RGS3: variants seen among roughly 807,000 people sequenced by gnomAD.
RGS3 encodes regulator of G-protein signalling 3.
RGS3 carries 80 observed loss-of-function variants against 132.6 expected under a neutral mutation model. The observed-to-expected ratio is 0.60, with a 90% CI of 0.50 to 0.73. The LOEUF (loss-of-function observed/expected upper bound fraction) is 0.73, where lower values mean the gene tolerates loss of function less well. Ranked by LOEUF, RGS3 falls within the 30% of genes least tolerant of loss-of-function variation. The pLI is 0.00. For synonymous variants in RGS3, 598 were observed against 620.6 expected (o/e 0.96, Z 0.54); for missense variants, 1,382 against 1,530.8 (o/e 0.90, Z 1.62).
At position 113,507,784 on chromosome 9, in the gene RGS3, TTCTGCAAGGC is replaced by T; in HGVS notation, c.1437+148_1437+157del. The T allele has an allele frequency of 3.2e-6, 2 of 627,006 alleles. No homozygotes were observed. Among genetic ancestry groups the T allele is most frequent in the Non-Finnish European group, 5.2e-6 (2 of 387,938 alleles). 38.8% of individuals were successfully genotyped at this position (627,006 alleles called of 1,614,324 possible). A position where few individuals can be genotyped will look rare whatever the true frequency, so the allele number is the denominator to read the frequency against. On this transcript the variant is annotated intron_variant, in intron 13 of 24. Transcript: ENST00000350696. This position sits in a 1 kb window ranked among gnomAD's most constrained non-coding sequence, Gnocchi z 5.0. ...AGATGGGGTATGTGCTAGCTCTGCC[TTCTGCAAGGC>T]TGTTCTTGGTAGGGAGGACAGATGG... is the stretch of plus-strand genomic sequence containing the variant.
intron 17 of RGS3, 136 bp from the exon 16 acceptor site, chr9:113,529,085 T>C (rs1832350626): frequency 1.4e-6 from 1 of 724,120 alleles, no homozygotes; most frequent in Middle Eastern, 2.4e-4. Flanking sequence ...CTTCCCTGCC[T>C]CCCATGCCTG....
At chr9:113,534,120 G>A (rs1832584609) in intron 18 of RGS3, among the ~76,000 whole-genome samples, 1 of 152,210 alleles carries the variant, frequency 6.6e-6, no homozygotes, top group African/African-American at 2.4e-5. Context: ...GGTTGGGTTG[G>A]ATGCAGGGTA....
At chr9:113,482,034 G>A (rs1455539641) in intron 4 of RGS3, among the ~76,000 whole-genome samples, 3 of 138,168 alleles carry the variant, frequency 2.2e-5, no homozygotes, top group Non-Finnish European at 4.6e-5. Flanking sequence ...CAACAAGTGC[G>A]AAACTCCATC....
chr9:113,524,283 C>T (rs891065198), intron 17 of RGS3, among the ~76,000 whole-genome samples: 8 of 152,304 alleles, frequency 5.3e-5, no homozygotes, highest in Admixed American at 2.6e-4. Context: ...TGCATATTCA[C>T]ACATGCACTC....
At chr9:113,541,293 T>G (rs1832891742) in intron 19 of RGS3, 4 of 1,608,230 alleles carry the variant, frequency 2.5e-6, no homozygotes, top group Non-Finnish European at 2.5e-6. Context: ...GACAGCGAGC[T>G]AATTCCAGTT....
intron 20 of RGS3, among the ~76,000 whole-genome samples, chr9:113,588,814 C>T (rs183218017): frequency 6.6e-6 from 1 of 152,250 alleles, no homozygotes; most frequent in Admixed American, 6.5e-5. Context: ...GAGGGAAGTC[C>T]GGTTATTACC....
At chr9:113,449,489 G>T (rs1311148295) in intron 1 of RGS3, among the ~76,000 whole-genome samples, 1 of 152,216 alleles carries the variant, frequency 6.6e-6, no homozygotes, top group Non-Finnish European at 1.5e-5. Flanking sequence ...GAAAGCCCAA[G>T]TGGGAGGGAG....
chr9:113,486,589 T>C (rs1345067275), intron 7 of RGS3, among the ~76,000 whole-genome samples: 2 of 152,226 alleles, frequency 1.3e-5, no homozygotes, highest in African/African-American at 4.8e-5. Context: ...TTAGCGGCAG[T>C]GGCTCATTTG....
chr9:113,536,217 T>G (rs1434851279), intron 18 of RGS3, among the ~76,000 whole-genome samples: 3 of 152,208 alleles, frequency 2.0e-5, no homozygotes, highest in Non-Finnish European at 4.4e-5. Flanking sequence ...CAAGATCATG[T>G]GCTGGGCAGT....
chr9:113,497,491 T>C, intron 9 of RGS3, 87 bp downstream of exon 7: 1 of 1,096,332 alleles, frequency 9.1e-7, no homozygotes, highest in Non-Finnish European at 1.3e-6. Context: ...TGGTATTTGG[T>C]GGCCCCTGCT....
intron 19 of RGS3, among the ~76,000 whole-genome samples, chr9:113,538,463 G>T (rs1363461573): frequency 3.3e-5 from 5 of 152,148 alleles, no homozygotes; most frequent in Admixed American, 2.0e-4. Flanking sequence ...CTCCTTTTCT[G>T]GGGGAAAGAG....
rs1003865516 is a variant in RGS3, at chr9:113,475,826, G to A, written c.416-3665G>A. On this transcript the variant is annotated intron_variant, in intron 3 of 24. Transcript: ENST00000350696. Reference sequence around the variant, plus strand: ...AGGATGCCAAATTAGCTGGTGCTTCGGTGAGCTGAAGACTCCAGGGATTCA... The same window carrying A: ...AGGATGCCAAATTAGCTGGTGCTTCAGTGAGCTGAAGACTCCAGGGATTCA... 3.3e-5 allele frequency among the ~76,000 whole-genome samples: 5 copies of A among 152,128 alleles called. No homozygotes were observed. The South Asian group carries it at 1.0e-3, about 31-fold the overall frequency.
chr9:113,476,274 G>A (rs115079048), intron 3 of RGS3, among the ~76,000 whole-genome samples: 7 of 152,176 alleles, frequency 4.6e-5, no homozygotes, highest in Non-Finnish European at 2.9e-5. Flanking sequence ...GTGCTGGAGT[G>A]GGGGTAGAGT....
At chr9:113,527,727 C>G (rs952959624) in intron 17 of RGS3, among the ~76,000 whole-genome samples, 2 of 152,180 alleles carry the variant, frequency 1.3e-5, no homozygotes, top group South Asian at 2.1e-4. Flanking sequence ...ACACCAGGGC[C>G]CTCATTCACT....
intron 1 of RGS3, among the ~76,000 whole-genome samples, chr9:113,454,075 A>G (rs1829314382): frequency 6.6e-6 from 1 of 151,538 alleles, no homozygotes; most frequent in South Asian, 2.1e-4. Flanking sequence ...CAGCTGCTCA[A>G]TGTGCTAGGA....
intron 13 of RGS3, 118 bp from the exon 12 acceptor site, chr9:113,508,423 C>T: frequency 2.1e-6 from 2 of 973,648 alleles, no homozygotes; most frequent in Non-Finnish European, 3.2e-6. Flanking sequence ...TGCTGTTTTT[C>T]TCTTGTGCCC....
chr9:113,544,787 G>A (rs1283258962), intron 19 of RGS3, among the ~76,000 whole-genome samples: 1 of 152,180 alleles, frequency 6.6e-6, no homozygotes, highest in African/African-American at 2.4e-5. Flanking sequence ...TCAAGCCAAG[G>A]CCTTTGAACC....
At chr9:113,585,552 C>G (rs1288248088) in intron 20 of RGS3, among the ~76,000 whole-genome samples, 1 of 152,328 alleles carries the variant, frequency 6.6e-6, no homozygotes, top group East Asian at 1.9e-4. Context: ...AGGACAGACC[C>G]CAGGGCCTAA....
rs901650563 is a variant in RGS3, at chr9:113,565,676, G to T, written c.2038-17774G>T. The T allele has an allele frequency of 2.2e-5, 6 of 277,116 alleles. No individual in the cohort carries two copies. Among genetic ancestry groups the T allele is most frequent in the Non-Finnish European group, 2.9e-5 (4 of 138,906 alleles). 17.2% of individuals were successfully genotyped at this position (277,116 alleles called of 1,614,324 possible). ...GAGCCGGGTGGAAACCTGGGCGGGCGAGCTGGCAGGAGCGGCAGCCAGGAG... is the reference window on the plus strand; with the variant it reads ...GAGCCGGGTGGAAACCTGGGCGGGCTAGCTGGCAGGAGCGGCAGCCAGGAG... On this transcript the variant is annotated intron_variant, in intron 19 of 24. Transcript: ENST00000350696. This position sits in a 1 kb window ranked among gnomAD's most constrained non-coding sequence, Gnocchi z 5.7.
Sources: allele counts gnomAD v4.1 joint callset (sites outside exome capture counted in the v4.1 genomes callset), GRCh38; gene constraint gnomAD v4.1.1; non-coding constraint Gnocchi (gnomAD v3.1); transcripts MANE v1.5; gene names NCBI Gene and HGNC (gene_info 2026-07-23, HGNC 2026-07-21).